Variants in NMBR observed in about 807,000 individuals in gnomAD.
NMBR encodes neuromedin-B receptor.
Under a neutral mutation model 20.5 loss-of-function variants are expected in NMBR, and 16 were observed. That is an observed-to-expected ratio of 0.78 (90% confidence interval 0.53 to 1.19). The LOEUF (loss-of-function observed/expected upper bound fraction) is 1.19. Among genes scored for constraint, NMBR ranks in the 50% most tolerant of loss-of-function variants. The pLI is 0.00. For synonymous variants in NMBR, 212 were observed against 196.6 expected (o/e 1.08, Z -0.65); for missense variants, 582 against 499.1 (o/e 1.17, Z -1.58).
chr6:142,133,557 T>C (rs1013788147), intron 1 of NMBR, among the ~76,000 whole-genome samples: 3 of 152,206 alleles, frequency 2.0e-5, no homozygotes, highest in African/African-American at 7.2e-5. Context: ...TCTGATTTTA[T>C]TTCAAAGGGA....
At chr6:142,095,159 A>C (rs7449532) in intron 1 of NMBR, among the ~76,000 whole-genome samples, 1 of 151,476 alleles carries the variant, frequency 6.6e-6, no homozygotes, top group African/African-American at 2.4e-5. Context: ...TCTCCTGCCT[A>C]ATTGCCCTGG....
intron 1 of NMBR, among the ~76,000 whole-genome samples, chr6:142,127,917 T>C (rs1778066407): frequency 6.6e-6 from 1 of 152,122 alleles, no homozygotes; most frequent in Admixed American, 6.6e-5. Context: ...CCTACTTGTA[T>C]AATTATGTTA....
At chr6:142,121,564 T>C (rs112485942) in intron 1 of NMBR, among the ~76,000 whole-genome samples, 3 of 152,096 alleles carry the variant, frequency 2.0e-5, no homozygotes, top group Non-Finnish European at 2.9e-5. Context: ...GTGGTCTGGA[T>C]AGAAGATCAA....
At chr6:142,122,386 T>C (rs1777959448) in intron 1 of NMBR, among the ~76,000 whole-genome samples, 1 of 151,922 alleles carries the variant, frequency 6.6e-6, no homozygotes, top group African/African-American at 2.4e-5. Context: ...TGCAAGATGG[T>C]ATATCACCAT....
chr6:142,137,361 G>A (rs1778279624), intron 1 of NMBR, among the ~76,000 whole-genome samples: 1 of 152,146 alleles, frequency 6.6e-6, no homozygotes, highest in Non-Finnish European at 1.5e-5. Flanking sequence ...CTGAGACTTT[G>A]CTGAAGTTGC....
intron 1 of NMBR, among the ~76,000 whole-genome samples, chr6:142,130,723 A>T (rs1482238311): frequency 6.6e-6 from 1 of 152,152 alleles, no homozygotes; most frequent in Non-Finnish European, 1.5e-5. Flanking sequence ...AGCAAGAAGC[A>T]GTCTGAGCAA....
chr6:142,115,372 G>C (rs1777832911), intron 1 of NMBR, among the ~76,000 whole-genome samples: 1 of 151,906 alleles, frequency 6.6e-6, no homozygotes, highest in Non-Finnish European at 1.5e-5. Flanking sequence ...CCTATTTGAG[G>C]TATAGGAGTT....
In NMBR at chr6:142,074,833, ATTCAT is replaced by A. The variant is rs1294471096; in HGVS notation, c.*810_*814del. Among the ~76,000 whole-genome samples the A allele has an allele frequency of 6.6e-6, 1 of 152,114 alleles. No individual in the cohort carries two copies. The highest frequency in any genetic ancestry group is 1.5e-5 in the Non-Finnish European group (1 of 67,988). ...TTGGGACATATGATACCTATTTTAC[ATTCAT>A]AATGTAAATCATATTCATATGATAC... On this transcript the variant is annotated 3_prime_UTR_variant, in exon 4 of 4. Coordinates refer to ENST00000258042, the MANE Select transcript of NMBR (RefSeq NM_002511.4).
At chr6:142,130,340 A>G (rs1444539117) in intron 1 of NMBR, among the ~76,000 whole-genome samples, 2 of 152,034 alleles carry the variant, frequency 1.3e-5, no homozygotes, top group Non-Finnish European at 1.5e-5. Flanking sequence ...CTCCCTAGCC[A>G]TAAAACTTTC....
intron 1 of NMBR, among the ~76,000 whole-genome samples, chr6:142,143,943 A>G (rs1479721351): frequency 6.6e-6 from 1 of 152,242 alleles, no homozygotes; most frequent in Non-Finnish European, 1.5e-5. Context: ...TAGTTAGCTT[A>G]TTGTTTTAAA....
At chr6:142,114,773 A>G (rs1250465401) in intron 1 of NMBR, among the ~76,000 whole-genome samples, 2 of 152,136 alleles carry the variant, frequency 1.3e-5, no homozygotes, top group African/African-American at 2.4e-5. Context: ...GTAATGGTCA[A>G]TGCAATTTAA....
At chr6:142,116,753 G>A (rs1777862689) in intron 1 of NMBR, among the ~76,000 whole-genome samples, 1 of 151,826 alleles carries the variant, frequency 6.6e-6, no homozygotes, top group Non-Finnish European at 1.5e-5. Flanking sequence ...GTTAAAATTT[G>A]TTATAAATTT....
chr6:142,133,888 T>G (rs1302093509), intron 1 of NMBR: 5 of 701,926 alleles, frequency 7.1e-6, no homozygotes, highest in Non-Finnish European at 1.3e-5. Flanking sequence ...TCCACACCCT[T>G]TTCTTTGGAT....
chr6:142,107,510 G>C (rs1249698157), intron 1 of NMBR, among the ~76,000 whole-genome samples: 1 of 152,030 alleles, frequency 6.6e-6, no homozygotes, highest in African/African-American at 2.4e-5. Context: ...CATACTCAAG[G>C]CTTCACCCTC....
At chr6:142,124,011 A>C (rs186810402) in intron 1 of NMBR, among the ~76,000 whole-genome samples, 1 of 152,104 alleles carries the variant, frequency 6.6e-6, no homozygotes, top group Non-Finnish European at 1.5e-5. Context: ...CGAAGATGGA[A>C]AAGGAGGAAT....
At chr6:142,134,404 T>A (rs949563658) in intron 1 of NMBR, 2 of 452,206 alleles carry the variant, frequency 4.4e-6, no homozygotes, top group African/African-American at 2.0e-5. Flanking sequence ...TTAAGACACA[T>A]ATAAGATTTT....
chr6:142,083,647 G>C (rs1195383421), intron 2 of NMBR, among the ~76,000 whole-genome samples: 1 of 152,012 alleles, frequency 6.6e-6, no homozygotes, highest in African/African-American at 2.4e-5. Flanking sequence ...GTTCTCATGA[G>C]ATCTGGTTGT....
chr6:142,141,083 A>G (rs1778354350), intron 1 of NMBR, among the ~76,000 whole-genome samples: 1 of 152,246 alleles, frequency 6.6e-6, no homozygotes, highest in Admixed American at 6.5e-5. Flanking sequence ...ACTTGAACTA[A>G]TTGATATTTA....
chr6:142,084,914 T>C (rs946166265), intron 2 of NMBR, among the ~76,000 whole-genome samples: 4 of 152,216 alleles, frequency 2.6e-5, no homozygotes. Context: ...TGTTTGTGTG[T>C]ATGTGTGTAT....
Sources: gnomAD v4.1 joint callset for allele counts (sites outside exome capture counted in the v4.1 genomes callset) on GRCh38, gnomAD v4.1.1 for gene constraint, MANE v1.5 for transcripts, NCBI Gene and HGNC (gene_info 2026-07-23, HGNC 2026-07-21) for gene names.